The following SLC38A1 variants were observed in gnomAD, a reference collection of about 807,000 sequenced individuals.
The protein encoded by SLC38A1 is sodium-coupled neutral amino acid symporter 1.
Under a neutral mutation model 60.3 loss-of-function variants are expected in SLC38A1, and 18 were observed. The observed-to-expected ratio is 0.30, with a 90% CI of 0.21 to 0.44. The LOEUF (loss-of-function observed/expected upper bound fraction) is 0.44. Ranked by LOEUF, SLC38A1 falls within the 20% of genes least tolerant of loss-of-function variation. The probability of loss-of-function intolerance (pLI) is 1.00; values close to 1 mark genes in which losing one functional copy is unlikely to be tolerated. For missense variants in SLC38A1, 448 were observed against 587.2 expected (o/e 0.76, Z 2.45); for synonymous variants, 196 against 212.1 (o/e 0.92, Z 0.66).
At chr12:46,238,568 T>G (rs759366286) in intron 3 of SLC38A1, among the ~76,000 whole-genome samples, 3 of 152,230 alleles carry the variant, frequency 2.0e-5, no homozygotes, top group Non-Finnish European at 4.4e-5. Context: ...TCTCTTCTCC[T>G]AATCTTTCAG....
At chr12:46,266,485 C>A (rs1305990424) in intron 1 of SLC38A1, among the ~76,000 whole-genome samples, 1 of 151,868 alleles carries the variant, frequency 6.6e-6, no homozygotes, top group Non-Finnish European at 1.5e-5. Context: ...TGGCCTTCTT[C>A]CCTCAATTAT....
In SLC38A1 at chr12:46,184,804, C is replaced by T. The variant is rs572476573; in HGVS notation, c.*4166G>A. ...ATTTTAATTTCTTTCACAACTGCCT[C>T]GCCCCAACCAAAGCCTCACTTTCAT... On this transcript the variant is annotated 3_prime_UTR_variant, in exon 17 of 17. Coordinates refer to ENST00000398637, the MANE Select transcript of SLC38A1 (RefSeq NM_030674.4). The T allele has an allele frequency of 1.3e-5, 2 of 152,284 alleles. No individual in the cohort carries two copies. Among genetic ancestry groups the T allele is most frequent in the South Asian group, 2.1e-4 (1 of 4,824 alleles). The allele number at this position is 152,284 out of a possible 1,614,324, so 9.4% of individuals were successfully genotyped here.
At chr12:46,200,640 A>G (rs1343621673) in intron 13 of SLC38A1, among the ~76,000 whole-genome samples, 1 of 152,148 alleles carries the variant, frequency 6.6e-6, no homozygotes, top group Non-Finnish European at 1.5e-5. Context: ...GGATCTTTGC[A>G]AGGCTTCGAC....
chr12:46,253,218 G>A (rs925795868), intron 1 of SLC38A1, among the ~76,000 whole-genome samples: 35 of 152,240 alleles, frequency 2.3e-4, no homozygotes, highest in African/African-American at 8.4e-4. Context: ...TACAAGAAAG[G>A]GGTCCTGATC....
intron 16 of SLC38A1, among the ~76,000 whole-genome samples, chr12:46,191,606 C>T (rs1054664763): frequency 2.0e-5 from 3 of 152,134 alleles, no homozygotes; most frequent in Non-Finnish European, 4.4e-5. Context: ...TCTTTTATTT[C>T]GTTGAGCAGT....
chr12:46,209,027 A>G (rs532172018), intron 6 of SLC38A1, 27 bp downstream of exon 6: 3 of 1,544,106 alleles, frequency 1.9e-6, no homozygotes, highest in South Asian at 1.1e-5. Context: ...CCTGGTTTTA[A>G]CAAAATCAAA....
At chr12:46,242,207 T>A (rs529650687) in intron 2 of SLC38A1, among the ~76,000 whole-genome samples, 6 of 152,262 alleles carry the variant, frequency 3.9e-5, no homozygotes, top group South Asian at 2.1e-4. Flanking sequence ...AGAATAATTT[T>A]TTATTATTAT....
At position 46,188,934 on chromosome 12, in the gene SLC38A1, G is replaced by T; in HGVS notation, c.*36C>A. 1 of 1,556,588 alleles carries T rather than the reference G, an allele frequency of 6.4e-7. No individual in the cohort carries two copies. Among genetic ancestry groups the T allele is most frequent in the Non-Finnish European group, 8.8e-7 (1 of 1,130,264 alleles). On this transcript the variant is annotated 3_prime_UTR_variant, in exon 17 of 17. Transcript: ENST00000398637. ...TGCTGATGTGTGGGGACTTGACTGAGCAGACAACAGGGATGTTTCTTTTTC... is the reference window on the plus strand; with the variant it reads ...TGCTGATGTGTGGGGACTTGACTGATCAGACAACAGGGATGTTTCTTTTTC...
chr12:46,206,548 A>G (rs1282623394), intron 8 of SLC38A1, among the ~76,000 whole-genome samples: 1 of 152,192 alleles, frequency 6.6e-6, no homozygotes, highest in Non-Finnish European at 1.5e-5. Context: ...GAAACAAGTC[A>G]CTACAGGTAG....
At chr12:46,252,270 T>C (rs1321679816) in intron 1 of SLC38A1, among the ~76,000 whole-genome samples, 3 of 152,006 alleles carry the variant, frequency 2.0e-5, no homozygotes, top group Admixed American at 1.3e-4. Context: ...TTCTCACTCA[T>C]AGGTGGCATT....
intron 12 of SLC38A1, among the ~76,000 whole-genome samples, chr12:46,201,879 G>A (rs1939674822): frequency 6.7e-6 from 1 of 149,114 alleles, no homozygotes; most frequent in Admixed American, 6.8e-5. Context: ...GGATGCCATA[G>A]AAGTATGGAA....
Position 46,197,949 on chromosome 12 carries a change from G to C in SLC38A1, c.1234C>G (p.Pro412Ala). The part of the protein sequence containing the change: ...VVINLLVIFI[P>A]SMKDIFGVVG... Reference sequence around the variant, plus strand: ...ACTCCAAAAATATCCTTCATGGAGGGTATGAAGATCACCAACAAGTTGATA... The same window carrying C: ...ACTCCAAAAATATCCTTCATGGAGGCTATGAAGATCACCAACAAGTTGATA... The change falls in exon 15 of 17, where the codon CCC becomes GCC. Residue 412 changes from proline (P) to alanine (A), a missense_variant. By Grantham distance (27) the Pro-to-Ala change is conservative. Coordinates refer to ENST00000398637, the MANE Select transcript of SLC38A1 (RefSeq NM_030674.4). 6.2e-7 allele frequency: 1 copy of C among 1,614,006 alleles called. No homozygotes were observed. Among genetic ancestry groups the C allele is most frequent in the African/African-American group, 1.3e-5 (1 of 75,036 alleles).
chr12:46,201,256 G>A, intron 12 of SLC38A1, 58 bp from the exon 13 acceptor site: 2 of 1,363,888 alleles, frequency 1.5e-6, no homozygotes, highest in Admixed American at 3.7e-5. Context: ...AAGCACCAGT[G>A]TTAACATTGA....
At chr12:46,205,331 A>G (rs774903888) in intron 9 of SLC38A1, among the ~76,000 whole-genome samples, 23 of 152,198 alleles carry the variant, frequency 1.5e-4, no homozygotes, top group Admixed American at 1.0e-3. Flanking sequence ...CAGAACAACT[A>G]CAGAGCTGTT....
intron 16 of SLC38A1, among the ~76,000 whole-genome samples, chr12:46,194,157 T>G (rs1592060741): frequency 1.3e-5 from 2 of 152,206 alleles, no homozygotes; most frequent in African/African-American, 4.8e-5. Context: ...AGCATTTGCT[T>G]GTCTGTAAAG....
intron 1 of SLC38A1, among the ~76,000 whole-genome samples, chr12:46,262,772 T>A (rs887132088): frequency 6.6e-6 from 1 of 152,092 alleles, no homozygotes; most frequent in African/African-American, 2.4e-5. Flanking sequence ...TAAAAAGAAA[T>A]CTTAAAAATA....
In SLC38A1 at chr12:46,229,135, C is replaced by T. The variant is rs117101742; in HGVS notation, c.314+18G>A. Reference sequence around the variant, plus strand: ...AGTTCAGTTTTAAAATGGAAAGTACCGGCACGTCAATACTCACAGAAAAAG... The same window carrying T: ...AGTTCAGTTTTAAAATGGAAAGTACTGGCACGTCAATACTCACAGAAAAAG... On this transcript the variant is annotated intron_variant, in intron 5 of 16. Transcript: ENST00000398637. The T allele has an allele frequency of 2.7e-4, 390 of 1,451,702 alleles. 2 individuals are homozygous for T. In the East Asian group the frequency reaches 7.7e-3, roughly 29 times the overall value. The allele number at this position is 1,451,702 out of a possible 1,614,324, so 89.9% of individuals were successfully genotyped here. A position where few individuals can be genotyped will look rare whatever the true frequency, so the allele number is the denominator to read the frequency against.
chr12:46,207,692 T>A, intron 6 of SLC38A1, 71 bp from the exon 7 acceptor site: 1 of 1,421,240 alleles, frequency 7.0e-7, no homozygotes, highest in Non-Finnish European at 9.9e-7. Context: ...CAAGATTTTG[T>A]CATTCTATTG....
intron 5 of SLC38A1, among the ~76,000 whole-genome samples, chr12:46,217,829 A>G (rs1289711890): frequency 6.6e-6 from 1 of 152,226 alleles, no homozygotes; most frequent in Admixed American, 6.5e-5. Context: ...AAGGCCAGGC[A>G]GGAAACAGGT....
Sources: gnomAD v4.1 joint callset for allele counts (sites outside exome capture counted in the v4.1 genomes callset) on GRCh38, gnomAD v4.1.1 for gene constraint, MANE v1.5 for transcripts, NCBI Gene and HGNC (gene_info 2026-07-23, HGNC 2026-07-21) for gene names.